The following ZBTB20 variants were observed in gnomAD, a reference collection of about 807,000 sequenced individuals.
The protein encoded by ZBTB20 is zinc finger and BTB domain-containing protein 20.
Under a neutral mutation model 56.9 loss-of-function variants are expected in ZBTB20, and 9 were observed. The observed-to-expected ratio is 0.16, with a 90% confidence interval of 0.10 to 0.28. ZBTB20 has a LOEUF of 0.28. Among genes scored for constraint, ZBTB20 ranks in the 10% least tolerant of loss-of-function variants. ZBTB20 has a pLI of 1.00. For missense variants in ZBTB20, 655 were observed against 1,003.0 expected (o/e 0.65, Z 4.69); for synonymous variants, 417 against 420.7 (o/e 0.99, Z 0.11).
At position 114,414,944 on chromosome 3, in the gene ZBTB20, C is replaced by T. The variant is rs553832001; in HGVS notation, c.-254-25839G>A. Among the ~76,000 whole-genome samples, 13 of 151,660 alleles carry T rather than the reference C, an allele frequency of 8.6e-5. 1 individual carries two copies. Among genetic ancestry groups the T allele is most frequent in the Middle Eastern group, 6.8e-3 (2 of 292 alleles). On this transcript the variant is annotated intron_variant, in intron 7 of 11. Transcript: ENST00000675478. ...TATATTTTTGCTCCCCTTTCTCTGC[C>T]GCCCCCCCGCACCCACCCAGGATTT... is the stretch of plus-strand genomic sequence containing the variant.
intron 4 of ZBTB20, among the ~76,000 whole-genome samples, chr3:114,826,325 G>T (rs2073527507): frequency 6.6e-6 from 1 of 151,448 alleles, no homozygotes; most frequent in South Asian, 2.1e-4. Context: ...TTTCCCCCAA[G>T]AAAGACATCA....
chr3:114,965,074 T>C (rs1052523390), intron 3 of ZBTB20, among the ~76,000 whole-genome samples: 2 of 152,230 alleles, frequency 1.3e-5, no homozygotes, highest in Non-Finnish European at 2.9e-5. Flanking sequence ...GTTAGGTTTA[T>C]ACCCCAGGGA....
chr3:114,790,957 C>T (rs1324618100), intron 5 of ZBTB20, among the ~76,000 whole-genome samples: 2 of 152,032 alleles, frequency 1.3e-5, no homozygotes, highest in Non-Finnish European at 2.9e-5. Context: ...AAACAAATTT[C>T]CAACCACTAA....
chr3:114,843,688 T>A (rs1187208531), intron 4 of ZBTB20, among the ~76,000 whole-genome samples: 1 of 150,940 alleles, frequency 6.6e-6, no homozygotes, highest in Admixed American at 6.6e-5. Flanking sequence ...TATATATATT[T>A]TTTTTTGAGA....
intron 2 of ZBTB20, among the ~76,000 whole-genome samples, chr3:115,066,294 C>G (rs2082204550): frequency 6.6e-6 from 1 of 151,974 alleles, no homozygotes; most frequent in African/African-American, 2.4e-5. Flanking sequence ...ATGGCACCAC[C>G]CAGGTACTCG....
At chr3:114,411,885 T>C (rs749207905) in intron 7 of ZBTB20, among the ~76,000 whole-genome samples, 4 of 152,164 alleles carry the variant, frequency 2.6e-5, no homozygotes, top group Non-Finnish European at 4.4e-5. Context: ...TGAGACTGAA[T>C]GTCCAGATGC....
intron 2 of ZBTB20, among the ~76,000 whole-genome samples, chr3:115,006,621 T>A (rs1389750824): frequency 2.0e-5 from 3 of 151,616 alleles, no homozygotes; most frequent in Non-Finnish European, 4.4e-5. Context: ...GCAAAGTATC[T>A]CAAAGAATCA....
At chr3:114,390,173 T>C (rs2085694736) in intron 7 of ZBTB20, among the ~76,000 whole-genome samples, 1 of 152,138 alleles carries the variant, frequency 6.6e-6, no homozygotes, top group South Asian at 2.1e-4. Context: ...GTGGTATTTG[T>C]TTTTCTGTGC....
At chr3:114,717,694 C>T (rs965764275) in intron 5 of ZBTB20, among the ~76,000 whole-genome samples, 6 of 152,010 alleles carry the variant, frequency 3.9e-5, no homozygotes, top group Admixed American at 6.6e-5. Context: ...AAAAATTGTC[C>T]GTATTAGTTA....
intron 7 of ZBTB20, among the ~76,000 whole-genome samples, chr3:114,401,432 C>T (rs1455294996): frequency 2.0e-5 from 3 of 152,052 alleles, no homozygotes; most frequent in Non-Finnish European, 4.4e-5. Context: ...CTAGCTTGTA[C>T]CAACTAGCTT....
chr3:114,604,232 A>G (rs1577899519), intron 6 of ZBTB20, among the ~76,000 whole-genome samples: 1 of 152,106 alleles, frequency 6.6e-6, no homozygotes, highest in African/African-American at 2.4e-5. Flanking sequence ...TATCAATAGC[A>G]AAAGACCTCT....
chr3:114,777,478 A>G (rs2069690246), intron 5 of ZBTB20, among the ~76,000 whole-genome samples: 1 of 152,168 alleles, frequency 6.6e-6, no homozygotes, highest in Non-Finnish European at 1.5e-5. Flanking sequence ...CATGCAGCCA[A>G]AAAACACATG....
rs561687550 is a variant in ZBTB20, at chr3:114,607,203, A to AT, written c.-295+86324dup. ...ATGAGGTTATAATTCACAATATGCA[A>AT]TATGAGGTTATAATAATCTCAATAT... On this transcript the variant is annotated intron_variant, in intron 6 of 11. Coordinates refer to ENST00000675478, the MANE Select transcript of ZBTB20 (RefSeq NM_001348800.3). Among the ~76,000 whole-genome samples, 5 of 152,314 alleles carry AT rather than the reference A, an allele frequency of 3.3e-5. No individual in the cohort carries two copies. In the South Asian group the frequency reaches 1.0e-3, roughly 32 times the overall value.
At chr3:114,416,861 T>C (rs1206442482) in intron 7 of ZBTB20, among the ~76,000 whole-genome samples, 1 of 152,108 alleles carries the variant, frequency 6.6e-6, no homozygotes, top group Non-Finnish European at 1.5e-5. Flanking sequence ...ATTTATTTAC[T>C]ATTTTCAAAT....
intron 2 of ZBTB20, among the ~76,000 whole-genome samples, chr3:115,056,016 A>G (rs1294641208): frequency 6.6e-6 from 1 of 152,162 alleles, no homozygotes; most frequent in Admixed American, 6.5e-5. Context: ...AATTCCATAT[A>G]AAAGTTAGAA....
At position 114,938,495 on chromosome 3, in the gene ZBTB20, A is replaced by T. The variant is rs943505187; in HGVS notation, c.-456+35871T>A. Among the ~76,000 whole-genome samples the T allele has an allele frequency of 2.3e-4, 34 of 146,260 alleles. 6 individuals are homozygous for T. Among genetic ancestry groups the T allele is most frequent in the African/African-American group, 9.2e-4 (33 of 35,910 alleles). On this transcript the variant is annotated intron_variant, in intron 3 of 11. Coordinates refer to ENST00000675478, the MANE Select transcript of ZBTB20 (RefSeq NM_001348800.3). ...ACACCATGGAATACTATGCAGCCAT[A>T]AAAAGGATGAGTTCATCTCCTTTGC...
chr3:114,991,237 GC>G (rs1020170866), intron 2 of ZBTB20, among the ~76,000 whole-genome samples: 1 of 151,962 alleles, frequency 6.6e-6, no homozygotes, highest in Non-Finnish European at 1.5e-5. Context: ...TCTCTTGTGG[GC>G]ATTTGGTGCT....
At chr3:114,979,564 G>T (rs2078246590) in intron 2 of ZBTB20, among the ~76,000 whole-genome samples, 1 of 151,946 alleles carries the variant, frequency 6.6e-6, no homozygotes, top group African/African-American at 2.4e-5. Context: ...AAAATGAATA[G>T]AAACTGTTAA....
At chr3:114,832,082 G>T (rs1424120987) in intron 4 of ZBTB20, among the ~76,000 whole-genome samples, 1 of 152,052 alleles carries the variant, frequency 6.6e-6, no homozygotes, top group South Asian at 2.1e-4. Context: ...AAAACAAAAG[G>T]TGTTGTGATA....
Sources: allele counts gnomAD v4.1 joint callset (sites outside exome capture counted in the v4.1 genomes callset), GRCh38; gene constraint gnomAD v4.1.1; transcripts MANE v1.5; gene names NCBI Gene and HGNC (gene_info 2026-07-23, HGNC 2026-07-21).